The following DSCAML1 variants were observed in gnomAD, a reference collection of about 807,000 sequenced individuals.
The protein encoded by DSCAML1 is cell adhesion molecule DSCAML1.
In DSCAML1, 38 loss-of-function variants were observed where a neutral mutation model predicts 200.5. The ratio of observed to expected loss-of-function variants is 0.19; its 90% confidence interval spans 0.15 to 0.25. DSCAML1 has a LOEUF of 0.25. DSCAML1 is among the 10% of genes least tolerant of loss of function. The probability of loss-of-function intolerance (pLI) is 1.00; values close to 1 mark genes in which losing one functional copy is unlikely to be tolerated. For missense variants in DSCAML1, 2,223 were observed against 2,858.8 expected (o/e 0.78, Z 5.07); for synonymous variants, 1,215 against 1,165.0 (o/e 1.04, Z -0.87).
At chr11:117,632,008 CACGT>C (rs1469968654) in intron 3 of DSCAML1, among the ~76,000 whole-genome samples, 1 of 152,192 alleles carries the variant, frequency 6.6e-6, no homozygotes, top group Non-Finnish European at 1.5e-5. Context: ...TTTGGAAGGA[CACGT>C]ACAGCTCACC....
rs143089531 is a variant in DSCAML1, at chr11:117,577,507, C to T, written c.512-44985G>A. 8.5e-3 allele frequency among the ~76,000 whole-genome samples: 274 copies of T among 32,234 alleles called. 2 individuals are homozygous for T. The highest frequency in any genetic ancestry group is 0.021 in the South Asian group (23 of 1,082). 21.1% of individuals were successfully genotyped at this position (32,234 alleles called of 152,430 possible). ...CTTCCTTCCTTCCTTCCTTCCTTCCCTCCTTCCTTCCTTCCTTCCTTCCTT... is the reference window on the plus strand; with the variant it reads ...CTTCCTTCCTTCCTTCCTTCCTTCCTTCCTTCCTTCCTTCCTTCCTTCCTT... On this transcript the variant is annotated intron_variant, in intron 3 of 32. Transcript: ENST00000651296.
At chr11:117,713,858 T>A (rs1412662504) in intron 3 of DSCAML1, among the ~76,000 whole-genome samples, 1 of 152,158 alleles carries the variant, frequency 6.6e-6, no homozygotes, top group African/African-American at 2.4e-5. Context: ...ACACTACTAC[T>A]GAGGGAAGTC....
At chr11:117,620,973 C>T (rs919764393) in intron 3 of DSCAML1, among the ~76,000 whole-genome samples, 4 of 152,186 alleles carry the variant, frequency 2.6e-5, no homozygotes, top group Admixed American at 6.5e-5. Flanking sequence ...ACTTAATACA[C>T]GACAGTTCAC....
chr11:117,588,250 G>C (rs983302835), intron 3 of DSCAML1, among the ~76,000 whole-genome samples: 2 of 151,830 alleles, frequency 1.3e-5, no homozygotes, highest in Non-Finnish European at 2.9e-5. Context: ...TCGGGGGTCG[G>C]GGGCTGCCTG....
intron 17 of DSCAML1, among the ~76,000 whole-genome samples, chr11:117,462,805 C>T (rs55871712): frequency 0.35 from 52,732 of 152,086 alleles, 10,598 homozygotes; most frequent in Non-Finnish European, 0.46. Context: ...TGCCAGGAAA[C>T]GATCAGGATC....
At chr11:117,705,991 GAGGGACTTC>G (rs922275301) in intron 3 of DSCAML1, among the ~76,000 whole-genome samples, 1 of 152,234 alleles carries the variant, frequency 6.6e-6, no homozygotes, top group Non-Finnish European at 1.5e-5. Flanking sequence ...TGAGTAGGCA[GAGGGACTTC>G]AGAATATAAG....
rs114956587 is a variant in DSCAML1 at position 117,518,972 on chromosome 11, T to C, written c.1214-210A>G. Among the ~76,000 whole-genome samples the C allele has an allele frequency of 9.5e-3, 1,445 of 152,350 alleles. 27 individuals are homozygous for C. The highest frequency in any genetic ancestry group is 0.033 in the African/African-American group (1,375 of 41,574). ...CAGGCTGTAGGGTTTGCATCCTCCC[T>C]CAATCACTTATTAGCTCTGGGTCTT... On this transcript the variant is annotated intron_variant, in intron 6 of 32. Coordinates refer to ENST00000651296, the MANE Select transcript of DSCAML1 (RefSeq NM_020693.4). The surrounding 1 kb of genome is among the most constrained non-coding windows in gnomAD (Gnocchi z 6.3).
intron 3 of DSCAML1, among the ~76,000 whole-genome samples, chr11:117,733,534 G>A (rs1293201294): frequency 6.6e-6 from 1 of 152,208 alleles, no homozygotes; most frequent in Non-Finnish European, 1.5e-5. Flanking sequence ...ATTGCCCAAA[G>A]CCACAGTCAC....
intron 3 of DSCAML1, among the ~76,000 whole-genome samples, chr11:117,585,986 G>T (rs953352475): frequency 2.6e-5 from 4 of 152,208 alleles, no homozygotes; most frequent in Non-Finnish European, 4.4e-5. Context: ...CCAGCACCAT[G>T]CCTGTTGCAG....
chr11:117,646,040 T>G (rs1172624078), intron 3 of DSCAML1, among the ~76,000 whole-genome samples: 1 of 152,212 alleles, frequency 6.6e-6, no homozygotes, highest in Non-Finnish European at 1.5e-5. Context: ...TTAGCTGAAT[T>G]TTTACAGCTC....
At chr11:117,496,842 G>C (rs1230135706) in intron 11 of DSCAML1, among the ~76,000 whole-genome samples, 4 of 152,210 alleles carry the variant, frequency 2.6e-5, no homozygotes, top group East Asian at 3.8e-4. Context: ...CTTGTCAGGG[G>C]ACCAGGGCGA....
At chr11:117,513,267 G>C (rs576529847) in intron 8 of DSCAML1, among the ~76,000 whole-genome samples, 116 of 152,214 alleles carry the variant, frequency 7.6e-4, no homozygotes, top group Middle Eastern at 6.8e-3. Flanking sequence ...GGGTTGTTAG[G>C]TCCCTGGTGG....
At chr11:117,550,725 C>G (rs1418902422) in intron 3 of DSCAML1, among the ~76,000 whole-genome samples, 1 of 152,214 alleles carries the variant, frequency 6.6e-6, no homozygotes, top group African/African-American at 2.4e-5. Context: ...GAATTCTGAG[C>G]TCATTCACCA....
At chr11:117,441,921 C>A (rs531497517) in intron 21 of DSCAML1, among the ~76,000 whole-genome samples, 1 of 152,208 alleles carries the variant, frequency 6.6e-6, no homozygotes, top group African/African-American at 2.4e-5. Context: ...AGGTTCCAGA[C>A]CTGGTTTTGC....
intron 7 of DSCAML1, among the ~76,000 whole-genome samples, chr11:117,517,816 T>G (rs2049804663): frequency 6.6e-6 from 1 of 152,180 alleles, no homozygotes; most frequent in African/African-American, 2.4e-5. Flanking sequence ...CTCACCACAG[T>G]GACTTGAAGA....
Position 117,738,354 on chromosome 11 carries a change from T to C in DSCAML1, c.511+38437A>G, listed in dbSNP as rs1479919084. ...GGTCATTCCCTCCCTAAGAAGAATT[T>C]TGTGGGTCTAGCAGTAATTAGCTCT... On this transcript the variant is annotated intron_variant, in intron 3 of 32. Coordinates refer to ENST00000651296, the MANE Select transcript of DSCAML1 (RefSeq NM_020693.4). 1.3e-5 allele frequency among the ~76,000 whole-genome samples: 2 copies of C among 151,962 alleles called. 1 individual carries two copies. The highest frequency in any genetic ancestry group is 1.3e-4 in the Admixed American group (2 of 15,270).
At chr11:117,564,755 CTCTTTCTT>C (rs372536312) in intron 3 of DSCAML1, among the ~76,000 whole-genome samples, 5 of 148,548 alleles carry the variant, frequency 3.4e-5, no homozygotes, top group African/African-American at 1.0e-4. Flanking sequence ...TTCTCTCTCT[CTCTTTCTT>C]TCTTTCTTTC....
intron 4 of DSCAML1, 104 bp downstream of exon 4, chr11:117,532,272 C>G: frequency 8.5e-7 from 1 of 1,180,594 alleles, no homozygotes; most frequent in Non-Finnish European, 1.2e-6. Flanking sequence ...TCCCTGAGTA[C>G]ACAGGGGGCT....
Position 117,660,478 on chromosome 11 carries a change from T to C in DSCAML1, c.511+116313A>G, listed in dbSNP as rs183039186. The stretch of plus-strand genomic sequence containing the variant: ...TCCTTCCCTGCTCTCCGGTTCTCCA[T>C]GAGGACTCATTTGGTAGGCAGCAAG... On this transcript the variant is annotated intron_variant, in intron 3 of 32. Coordinates refer to ENST00000651296, the MANE Select transcript of DSCAML1 (RefSeq NM_020693.4). Among the ~76,000 whole-genome samples, 3 of 152,314 alleles carry C rather than the reference T, an allele frequency of 2.0e-5. No individual in the cohort carries two copies. The East Asian group carries it at 5.8e-4, about 29-fold the overall frequency.
Sources: allele counts gnomAD v4.1 joint callset (sites outside exome capture counted in the v4.1 genomes callset), GRCh38; gene constraint gnomAD v4.1.1; non-coding constraint Gnocchi (gnomAD v3.1); transcripts MANE v1.5; gene names NCBI Gene and HGNC (gene_info 2026-07-23, HGNC 2026-07-21).